Variants in LMX1A observed in about 807,000 individuals in gnomAD.
The protein encoded by LMX1A is LIM homeobox transcription factor 1-alpha.
Under a neutral mutation model 49.1 loss-of-function variants are expected in LMX1A, and 15 were observed. That is an observed-to-expected ratio of 0.31 (90% CI 0.20 to 0.47). The LOEUF is 0.47. Ranked by LOEUF, LMX1A falls within the 20% of genes least tolerant of loss-of-function variation. LMX1A has a pLI of 1.00. For synonymous variants in LMX1A, 167 were observed against 185.7 expected (o/e 0.90, Z 0.82); for missense variants, 372 against 475.8 (o/e 0.78, Z 2.03).
chr1:165,277,668 C>T (rs1654010450), intron 3 of LMX1A, among the ~76,000 whole-genome samples: 2 of 152,202 alleles, frequency 1.3e-5, no homozygotes, highest in East Asian at 1.9e-4. Flanking sequence ...TCTGTCAGTG[C>T]TGGCCACAGG....
At chr1:165,208,205 G>A in intron 6 of LMX1A, 73 bp from the exon 7 acceptor site, 2 of 1,379,366 alleles carry the variant, frequency 1.4e-6, no homozygotes, top group Non-Finnish European at 2.1e-6. Context: ...GGGGGGCCTG[G>A]AAGTGACACC....
intron 3 of LMX1A, among the ~76,000 whole-genome samples, chr1:165,252,160 G>A (rs2102640352): frequency 6.6e-6 from 1 of 152,236 alleles, no homozygotes; most frequent in East Asian, 1.9e-4. Context: ...CAAGAACAAG[G>A]CCTATGGAAT....
intron 3 of LMX1A, among the ~76,000 whole-genome samples, chr1:165,283,498 C>T (rs1654212729): frequency 6.6e-6 from 1 of 152,170 alleles, no homozygotes; most frequent in Non-Finnish European, 1.5e-5. Flanking sequence ...TCCTCTTCCT[C>T]TTTCTCTTCT....
chr1:165,206,524 G>A (rs1444613946), intron 7 of LMX1A, among the ~76,000 whole-genome samples: 1 of 152,182 alleles, frequency 6.6e-6, no homozygotes, highest in African/African-American at 2.4e-5. Context: ...GAAGAACAGA[G>A]ACTATTTCCC....
chr1:165,222,807 C>T (rs569310707), intron 4 of LMX1A, among the ~76,000 whole-genome samples: 7 of 152,260 alleles, frequency 4.6e-5, no homozygotes, highest in South Asian at 4.2e-4. Flanking sequence ...CATACCCAGC[C>T]GGGTCTATGC....
At chr1:165,222,532 G>A (rs1465105292) in intron 4 of LMX1A, among the ~76,000 whole-genome samples, 1 of 152,180 alleles carries the variant, frequency 6.6e-6, no homozygotes, top group Non-Finnish European at 1.5e-5. Flanking sequence ...GCAAGGGTTG[G>A]AAGACAAAGG....
chr1:165,233,809 T>C (rs1279685713), intron 4 of LMX1A, among the ~76,000 whole-genome samples: 1 of 152,256 alleles, frequency 6.6e-6, no homozygotes, highest in East Asian at 1.9e-4. Context: ...TTCATCATTG[T>C]GTCCACAGCA....
At chr1:165,222,392 T>C (rs1245518434) in intron 4 of LMX1A, among the ~76,000 whole-genome samples, 4 of 152,222 alleles carry the variant, frequency 2.6e-5, no homozygotes, top group South Asian at 4.1e-4. Flanking sequence ...GGTTTGAGTG[T>C]GTTTGTCCTA....
chr1:165,259,699 T>C (rs1161071965), intron 3 of LMX1A, among the ~76,000 whole-genome samples: 1 of 152,108 alleles, frequency 6.6e-6, no homozygotes, highest in South Asian at 2.1e-4. Flanking sequence ...AAAGCTATGA[T>C]TGCTGAGAGG....
chr1:165,232,068 A>G (rs4656436), intron 4 of LMX1A, among the ~76,000 whole-genome samples: 124,468 of 152,124 alleles, frequency 0.82, 53,171 homozygotes, highest in Non-Finnish European at 0.94. Flanking sequence ...GGGTATACCC[A>G]AGGTCAAAAA....
Position 165,205,914 on chromosome 1 carries a change from C to A in LMX1A, c.938G>T (p.Arg313Leu). ...CATCTGGGGTGGGGTGAGACCCTGT[C>A]GGAAGGGATCTGAGCTGTAGACACT... is the stretch of plus-strand genomic sequence containing the variant. ...EQSVYSSDPFRQGLTPPQMPG... is the reference protein window; with the variant it reads ...EQSVYSSDPFLQGLTPPQMPG... Residue 313 changes from arginine to leucine, a missense_variant, in exon 8 of 9, where the codon CGA (arginine) becomes CTA (leucine). This residue lies in a region of LMX1A where 127 missense variants were observed against 138.0 expected (regional missense o/e 0.92). Coordinates refer to ENST00000342310, the MANE Select transcript of LMX1A (RefSeq NM_177398.4). The A allele has an allele frequency of 6.2e-7, 1 of 1,613,970 alleles. No individual in the cohort carries two copies.
At chr1:165,304,832 C>T (rs990327260) in intron 3 of LMX1A, among the ~76,000 whole-genome samples, 1 of 152,180 alleles carries the variant, frequency 6.6e-6, no homozygotes, top group African/African-American at 2.4e-5. Flanking sequence ...CTCAGATTGT[C>T]CCATCAGCCT....
intron 5 of LMX1A, chr1:165,213,166 A>G (rs1477628106): frequency 6.5e-6 from 1 of 153,412 alleles, no homozygotes; most frequent in Non-Finnish European, 1.4e-5. Flanking sequence ...ACAACCCCAA[A>G]CACCCATCAA....
intron 4 of LMX1A, among the ~76,000 whole-genome samples, chr1:165,242,496 A>AT (rs1382216965): frequency 1.3e-5 from 2 of 151,814 alleles, no homozygotes; most frequent in African/African-American, 4.8e-5. Context: ...GGATCCCATG[A>AT]TAAAAGACAC....
At chr1:165,314,445 C>G (rs6666930) in intron 3 of LMX1A, among the ~76,000 whole-genome samples, 33,578 of 152,132 alleles carry the variant, frequency 0.22, 4,150 homozygotes, top group African/African-American at 0.32. Flanking sequence ...TAAGATCTGA[C>G]AGGAGACAGG....
intron 3 of LMX1A, among the ~76,000 whole-genome samples, chr1:165,347,220 C>T (rs1656277272): frequency 6.6e-6 from 1 of 152,208 alleles, no homozygotes; most frequent in African/African-American, 2.4e-5. Context: ...TTTCTCTCTC[C>T]TCTCTGATAT....
chr1:165,275,768 A>C (rs1653945127), intron 3 of LMX1A, among the ~76,000 whole-genome samples: 1 of 152,052 alleles, frequency 6.6e-6, no homozygotes, highest in South Asian at 2.1e-4. Flanking sequence ...AATGTGCAGC[A>C]CACAGGAACG....
At chr1:165,249,673 A>G in intron 3 of LMX1A, 33 bp from the exon 4 acceptor site, 1 of 1,568,010 alleles carries the variant, frequency 6.4e-7, no homozygotes, top group Non-Finnish European at 8.7e-7. Context: ...TACATGCACC[A>G]TGAGTAAAAT....
chr1:165,354,210 C>G (rs1009482972), intron 2 of LMX1A, among the ~76,000 whole-genome samples: 5 of 152,292 alleles, frequency 3.3e-5, no homozygotes, highest in African/African-American at 1.2e-4. Flanking sequence ...CACTCTTGCG[C>G]TCCCCATTTC....
Sources: allele counts gnomAD v4.1 joint callset (sites outside exome capture counted in the v4.1 genomes callset), GRCh38; gene constraint gnomAD v4.1.1; regional missense constraint gnomAD v4.1.1; transcripts MANE v1.5; gene names NCBI Gene and HGNC (gene_info 2026-07-23, HGNC 2026-07-21).